The following FAM20C variants were observed in gnomAD, a reference collection of about 807,000 sequenced individuals.
FAM20C encodes the protein extracellular serine/threonine protein kinase FAM20C.
FAM20C carries 40 observed loss-of-function variants against 51.5 expected under a neutral mutation model. The ratio of observed to expected loss-of-function variants is 0.78; its 90% CI spans 0.60 to 1.01. FAM20C has a LOEUF of 1.01. FAM20C is among the 50% of genes least tolerant of loss of function. The probability of loss-of-function intolerance (pLI) is 0.00; values close to 1 mark genes in which losing one functional copy is unlikely to be tolerated. For missense variants in FAM20C, 861 were observed against 844.7 expected (o/e 1.02, Z -0.24); for synonymous variants, 406 against 380.6 (o/e 1.07, Z -0.78).
chr7:220,867 T>C (rs2115096573), intron 3 of FAM20C, among the ~76,000 whole-genome samples: 1 of 152,294 alleles, frequency 6.6e-6, no homozygotes, highest in Non-Finnish European at 1.5e-5. Context: ...AGGCCTCCCA[T>C]GCCTGAGAAG....
chr7:215,232 G>GA (rs545705907), intron 3 of FAM20C, among the ~76,000 whole-genome samples: 1 of 125,818 alleles, frequency 7.9e-6, no homozygotes, highest in Admixed American at 8.5e-5. Flanking sequence ...TCCAGCTGGG[G>GA]GGGGGAGCAG....
intron 3 of FAM20C, among the ~76,000 whole-genome samples, chr7:237,560 A>C (rs1787883216): frequency 6.6e-6 from 1 of 151,864 alleles, no homozygotes; most frequent in Admixed American, 6.6e-5. Flanking sequence ...GGTGGTGATG[A>C]CCATGGTAGG....
chr7:218,495 G>A (rs1030072214), intron 3 of FAM20C, among the ~76,000 whole-genome samples: 9 of 152,228 alleles, frequency 5.9e-5, no homozygotes, highest in African/African-American at 1.2e-4. Flanking sequence ...CCGGGGAGCT[G>A]AAGGGAGGCC....
chr7:219,299 G>A (rs553951815), intron 3 of FAM20C, among the ~76,000 whole-genome samples: 4 of 152,186 alleles, frequency 2.6e-5, no homozygotes, highest in Non-Finnish European at 2.9e-5. Flanking sequence ...TGCACAGTCC[G>A]TGCTTGCTGA....
chr7:240,769 G>A (rs1042617516), intron 3 of FAM20C, among the ~76,000 whole-genome samples: 8 of 152,102 alleles, frequency 5.3e-5, no homozygotes, highest in Non-Finnish European at 1.0e-4. Flanking sequence ...CAATGCCACC[G>A]ATTGTGGCCC....
Position 248,417 on chromosome 7 carries a change from C to T in FAM20C, c.1059C>T (p.Phe353=), listed in dbSNP as rs752044491. 1.3e-6 allele frequency: 2 copies of T among 1,536,612 alleles called. No homozygotes were observed. The highest frequency in any genetic ancestry group is 1.7e-6 in the Non-Finnish European group (2 of 1,146,616). ...VTRDKKLWRT[F]FISPANNICF... is the part of the protein sequence containing the mutation. Reference sequence around the variant, plus strand: ...GGGACAAGAAGCTCTGGAGGACCTTCTTCATCTCTCCAGGTAGCCTGGCAC... The same window carrying T: ...GGGACAAGAAGCTCTGGAGGACCTTTTTCATCTCTCCAGGTAGCCTGGCAC... Residue 353 remains phenylalanine (F), a synonymous_variant, in exon 5 of 10, where the codon TTC becomes TTT. Coordinates refer to ENST00000313766, the MANE Select transcript of FAM20C (RefSeq NM_020223.4).
chr7:216,563 C>T (rs1192333281), intron 3 of FAM20C, among the ~76,000 whole-genome samples: 1 of 151,902 alleles, frequency 6.6e-6, no homozygotes, highest in African/African-American at 2.4e-5. Context: ...ATCTTTTCTC[C>T]AGAGACACCT....
chr7:198,547 A>G (rs1785988280), intron 2 of FAM20C, among the ~76,000 whole-genome samples: 1 of 152,206 alleles, frequency 6.6e-6, no homozygotes, highest in East Asian at 1.9e-4. Context: ...TGTTCCTCTG[A>G]GGAACAGGAG....
intron 2 of FAM20C, among the ~76,000 whole-genome samples, chr7:206,693 C>T (rs1786415628): frequency 2.0e-5 from 1 of 48,816 alleles, no homozygotes; most frequent in African/African-American, 5.3e-5. Flanking sequence ...CACACGTGCT[C>T]ACTGTCCACT....
At position 193,231 on chromosome 7, in the gene FAM20C, T is replaced by C. The variant is rs1785653881; in HGVS notation, c.32T>C (p.Val11Ala). The C allele has an allele frequency of 6.8e-7, 1 of 1,464,292 alleles. No individual in the cohort carries two copies. 90.7% of individuals were successfully genotyped at this position (1,464,292 alleles called of 1,614,324 possible). MKMMLVRRFRVLILMVFLVAC... is the reference protein window; with the variant it reads MKMMLVRRFRALILMVFLVAC... ...ATGATGCTGGTGCGCCGGTTCCGCGTGCTCATCCTGATGGTGTTCCTGGTG... is the reference window on the plus strand; with the variant it reads ...ATGATGCTGGTGCGCCGGTTCCGCGCGCTCATCCTGATGGTGTTCCTGGTG... Residue 11 changes from valine to alanine, a missense_variant, in exon 1 of 10, where the codon GTG (valine) becomes GCG (alanine). Val to Ala is a moderately conservative substitution (Grantham distance 64). Around this residue, in one of 3 missense-constraint regions of FAM20C, gnomAD observed 561 missense variants for 499.8 expected, o/e 1.12. Transcript: ENST00000313766.
intron 3 of FAM20C, chr7:227,601 G>A (rs953376851): frequency 6.6e-6 from 1 of 152,074 alleles, no homozygotes; most frequent in Non-Finnish European, 1.5e-5. Context: ...ATGAAAGGAA[G>A]CATCACAAGG....
intron 3 of FAM20C, among the ~76,000 whole-genome samples, chr7:223,778 C>T (rs1202554944): frequency 6.6e-6 from 1 of 152,218 alleles, no homozygotes; most frequent in Non-Finnish European, 1.5e-5. Context: ...AGTTTCCTGG[C>T]TTATTTTTAT....
chr7:208,361 T>G (rs981036851), intron 2 of FAM20C, among the ~76,000 whole-genome samples: 2 of 134,020 alleles, frequency 1.5e-5, no homozygotes, highest in Non-Finnish European at 3.0e-5. Context: ...CTGTAGGGTG[T>G]GGTGTGTGTA....
intron 3 of FAM20C, among the ~76,000 whole-genome samples, chr7:231,539 G>A (rs1185802859): frequency 2.0e-5 from 3 of 152,056 alleles, no homozygotes; most frequent in East Asian, 1.9e-4. Context: ...GGAGGGCTCC[G>A]TGGGAGGAGG....
In FAM20C at chr7:259,819, GACCAGGTGGC is replaced by G; in HGVS notation, c.1598_1607del (p.Gln533ProfsTer19). On this transcript the variant is annotated frameshift_variant, in exon 10 of 10. Transcript: ENST00000313766. LOFTEE classifies it low-confidence loss of function (END_TRUNC). The stretch of plus-strand genomic sequence containing the variant: ...GCTGATGGCCGAGTCTCTGCGGGGG[GACCAGGTGGC>G]ACCCGTGCTGTACCAGCCGCACCTG... The G allele has an allele frequency of 6.5e-7, 1 of 1,536,468 alleles. No homozygotes were observed. The highest frequency in any genetic ancestry group is 8.7e-7 in the Non-Finnish European group (1 of 1,146,892).
Position 230,901 on chromosome 7 carries a change from C to T in FAM20C, c.864-15514C>T, listed in dbSNP as rs891728775. Among the ~76,000 whole-genome samples, 14 of 152,264 alleles carry T rather than the reference C, an allele frequency of 9.2e-5. No homozygotes were observed. The South Asian group carries it at 1.5e-3, about 16-fold the overall frequency. ...ACCTACCAGTAAATGAAGGGAAAAGCGCCACATCAACCTGGCTTCAGTGTG... is the reference window on the plus strand; with the variant it reads ...ACCTACCAGTAAATGAAGGGAAAAGTGCCACATCAACCTGGCTTCAGTGTG... On this transcript the variant is annotated intron_variant, in intron 3 of 9. Transcript: ENST00000313766.
chr7:213,252 A>T (rs1267564364), intron 3 of FAM20C, among the ~76,000 whole-genome samples: 1 of 151,196 alleles, frequency 6.6e-6, no homozygotes. Context: ...GGAGTTGTGC[A>T]GTGTGTAGTT....
At chr7:255,489 G>A (rs1459911163) in intron 5 of FAM20C, among the ~76,000 whole-genome samples, 1 of 152,158 alleles carries the variant, frequency 6.6e-6, no homozygotes, top group African/African-American at 2.4e-5. Flanking sequence ...TCAGATGTGC[G>A]GTTTGCAAAC....
At chr7:220,691 G>A (rs1027522235) in intron 3 of FAM20C, among the ~76,000 whole-genome samples, 1 of 152,184 alleles carries the variant, frequency 6.6e-6, no homozygotes, top group Non-Finnish European at 1.5e-5. Flanking sequence ...GGCCTGTGCT[G>A]GCCACGTGTG....
Sources: allele counts gnomAD v4.1 joint callset (sites outside exome capture counted in the v4.1 genomes callset), GRCh38; gene constraint gnomAD v4.1.1; regional missense constraint gnomAD v4.1.1; transcripts MANE v1.5; gene names NCBI Gene and HGNC (gene_info 2026-07-23, HGNC 2026-07-21).